Variants in NEB observed in about 807,000 individuals in gnomAD.
The protein encoded by NEB is nebulin.
A neutral mutation model predicts 952.2 loss-of-function variants in NEB; 512 were observed. The observed-to-expected ratio is 0.54, with a 90% CI of 0.50 to 0.58. The LOEUF (loss-of-function observed/expected upper bound fraction) is 0.58. NEB is among the 20% of genes least tolerant of loss of function. The pLI, the probability that NEB is intolerant of heterozygous loss-of-function variation, is 0.00. For synonymous variants in NEB, 2,900 were observed against 3,149.8 expected, an observed-to-expected ratio of 0.92 and a Z score of 2.66; for missense variants, 8,428 against 9,231.1, an observed-to-expected ratio of 0.91 and a Z score of 3.56.
intron 32 of NEB, among the ~76,000 whole-genome samples, chr2:151,679,158 G>C (rs1409358856): frequency 6.6e-6 from 1 of 152,160 alleles, no homozygotes; most frequent in Non-Finnish European, 1.5e-5. Flanking sequence ...TAGAATAACA[G>C]ATGGGGGCTT....
At position 151,505,550 on chromosome 2, in the gene NEB, T is replaced by C. The variant is rs2068111995; in HGVS notation, c.23670A>G (p.Ile7890Met). The change falls in exon 165 of 182, where the codon ATA (isoleucine) becomes ATG (methionine). Residue 7890 changes from isoleucine (I) to methionine (M), a missense_variant. Around this residue, in one of 11 missense-constraint regions of NEB, gnomAD observed 3,374 missense variants for 3,651.5 expected, o/e 0.92. Transcript: ENST00000397345. The part of the protein sequence containing the change: ...HISSVKYKEA[I>M]GQGTPIPDLP... ...GGTCAGGGATTGGAGTTCCTTGTCC[T>C]ATTGCTTCCTTATACTTCACCTGCA... 1.2e-6 allele frequency: 2 copies of C among 1,613,720 alleles called. No individual in the cohort carries two copies. The highest frequency in any genetic ancestry group is 1.7e-6 in the Non-Finnish European group (2 of 1,179,622).
chr2:151,504,690 A>T (rs2067389702), intron 165 of NEB, among the ~76,000 whole-genome samples: 1 of 152,218 alleles, frequency 6.6e-6, no homozygotes, highest in Non-Finnish European at 1.5e-5. Context: ...AACTTCACAT[A>T]GTCTTTTGCT....
In NEB at chr2:151,609,878, A is replaced by G; in HGVS notation, c.12261T>C (p.His4087=). The G allele has an allele frequency of 1.9e-6, 3 of 1,612,934 alleles. No homozygotes were observed. Among genetic ancestry groups the G allele is most frequent in the Non-Finnish European group, 2.5e-6 (3 of 1,179,008 alleles). The part of the protein sequence containing the change: ...VTDIDYRNYL[H]EWTCMPDQND... Reference sequence around the variant, plus strand: ...TTTGATCCGGCATGCATGTCCATTCATGCAGGTAATTGCGATAATCAATGT... The same window carrying G: ...TTTGATCCGGCATGCATGTCCATTCGTGCAGGTAATTGCGATAATCAATGT... The change falls in exon 81 of 182, where the codon CAT becomes CAC. Residue 4087 remains histidine (H), a synonymous_variant. Coordinates refer to ENST00000397345, the MANE Select transcript of NEB (RefSeq NM_001164508.2).
At chr2:151,697,916 G>C (rs1027354644) in intron 13 of NEB, among the ~76,000 whole-genome samples, 3 of 151,920 alleles carry the variant, frequency 2.0e-5, no homozygotes, top group Non-Finnish European at 4.4e-5. Context: ...AATACAAAAA[G>C]TTACCTGGGC....
chr2:151,629,574 C>T lies in NEB; in HGVS notation c.9796G>A (p.Val3266Met), dbSNP rs564504601. 24 of 1,613,764 alleles carry T rather than the reference C, an allele frequency of 1.5e-5. No homozygotes were observed. Among genetic ancestry groups the T allele is most frequent in the East Asian group, 2.2e-5 (1 of 44,872 alleles). ...ACGTCCCTGGAGGCCTTGGCAGCCA[C>T]GATGGGGATGGCGTCACTTCGCAAG... The part of the protein sequence containing the change: ...YDLRSDAIPI[V>M]AAKASRDVIS... Residue 3266 changes from valine to methionine, a missense_variant, in exon 68 of 182, where the codon GTG (valine) becomes ATG (methionine). Coordinates refer to ENST00000397345, the MANE Select transcript of NEB (RefSeq NM_001164508.2).
At chr2:151,532,665 G>C (rs563727665) in intron 143 of NEB, among the ~76,000 whole-genome samples, 4 of 151,642 alleles carry the variant, frequency 2.6e-5, no homozygotes, top group Non-Finnish European at 5.9e-5. Flanking sequence ...CTTAATTGGA[G>C]CTTAACCTCC....
rs370362357 is a variant in NEB at position 151,710,573 on chromosome 2, A to G, written c.823-35T>C. 3.1e-6 allele frequency: 4 copies of G among 1,296,308 alleles called. No individual in the cohort carries two copies. The African/African-American group carries it at 5.9e-5, about 19-fold the overall frequency. 80.3% of individuals were successfully genotyped at this position (1,296,308 alleles called of 1,614,324 possible). ...AGAAAAAGAAAATAAGACAAGCATA[A>G]CTCATGAATTGACAAATAAGACAGC... is the stretch of plus-strand genomic sequence containing the variant. On this transcript the variant is annotated intron_variant, in intron 10 of 181. Coordinates refer to ENST00000397345, the MANE Select transcript of NEB (RefSeq NM_001164508.2).
intron 162 of NEB, 52 bp from the exon 163 acceptor site, chr2:151,507,065 C>A (rs1456325972): frequency 8.9e-7 from 1 of 1,122,430 alleles, no homozygotes; most frequent in East Asian, 2.4e-5. Context: ...GCTTTGTTTT[C>A]TTTATTTGTC....
intron 179 of NEB, among the ~76,000 whole-genome samples, chr2:151,490,924 C>G (rs749076437): frequency 2.2e-4 from 33 of 152,338 alleles, no homozygotes; most frequent in Non-Finnish European, 4.1e-4. Flanking sequence ...CCCAAAATAC[C>G]ATGGGCAGAC....
At position 151,661,982 on chromosome 2, in the gene NEB, C is replaced by CT. The variant is rs370822145; in HGVS notation, c.5970+152dup. Among the ~76,000 whole-genome samples, 658 of 145,942 alleles carry CT rather than the reference C, an allele frequency of 4.5e-3. 2 individuals are homozygous for CT. The highest frequency in any genetic ancestry group is 0.013 in the African/African-American group (527 of 40,086). On this transcript the variant is annotated intron_variant, in intron 46 of 181. Transcript: ENST00000397345. ...CTACTAGTTAGAAATAATTCCTATTCTTTTTTTTTTTAACGACAAGACTCT... is the reference window on the plus strand; with the variant it reads ...CTACTAGTTAGAAATAATTCCTATTCTTTTTTTTTTTTAACGACAAGACTCT...
chr2:151,533,090 C>T (rs1022143930), intron 143 of NEB, among the ~76,000 whole-genome samples: 4 of 152,182 alleles, frequency 2.6e-5, no homozygotes, highest in Admixed American at 1.3e-4. Flanking sequence ...AATATTCAGA[C>T]CTTTTACATG....
In NEB at chr2:151,696,643, C is replaced by T. The variant is rs765045777; in HGVS notation, c.1563G>A (p.Leu521=). 3.1e-6 allele frequency: 5 copies of T among 1,612,028 alleles called. No individual in the cohort carries two copies. The African/African-American group carries it at 6.7e-5, about 22-fold the overall frequency. ...AGTAGTTAGAGGAACTTACGTCACT[C>T]AGTTGTTTGGAATTGACTTGGGCTT... is the stretch of plus-strand genomic sequence containing the variant. The part of the protein sequence containing the change: ...LLQAQVNSKQ[L]SDLNYKAKHE... The change falls in exon 17 of 182, where the codon CTG becomes CTA. Residue 521 remains leucine (L), a synonymous_variant. Coordinates refer to ENST00000397345, the MANE Select transcript of NEB (RefSeq NM_001164508.2).
chr2:151,505,716 C>T, intron 164 of NEB, 146 bp from the exon 165 acceptor site: 1 of 673,810 alleles, frequency 1.5e-6, no homozygotes, highest in Non-Finnish European at 2.6e-6. Context: ...TGAATGGGAC[C>T]TCATTCTGAT....
In NEB at chr2:151,652,087, G is replaced by T. The variant is rs543037801; in HGVS notation, c.6916-1202C>A. 3.9e-5 allele frequency among the ~76,000 whole-genome samples: 6 copies of T among 152,292 alleles called. No homozygotes were observed. The South Asian group carries it at 1.0e-3, about 26-fold the overall frequency. ...ACCTATCAAGTGGAAGTGGAAATAG[G>T]CTGCTTTGTGGTGTTGTAGAACAGA... On this transcript the variant is annotated intron_variant, in intron 52 of 181. Transcript: ENST00000397345.
In NEB at chr2:151,709,598, T is replaced by C. The variant is rs118135772; in HGVS notation, c.1035+58A>G. 2.6e-4 allele frequency: 349 copies of C among 1,354,846 alleles called. 3 individuals carry two copies. The East Asian group carries it at 5.8e-3, about 23-fold the overall frequency. 83.9% of individuals were successfully genotyped at this position (1,354,846 alleles called of 1,614,324 possible). ...TACTAATTATATACAAGAGCCAAAG[T>C]TATAAGAAATTTACCCACACTCAAA... On this transcript the variant is annotated intron_variant, in intron 12 of 181. Coordinates refer to ENST00000397345, the MANE Select transcript of NEB (RefSeq NM_001164508.2).
Position 151,518,354 on chromosome 2 carries a change from C to G in NEB, c.22764G>C (p.Gln7588His). The change falls in exon 156 of 182, where the codon CAG (glutamine) becomes CAC (histidine). Residue 7588 changes from glutamine (Q) to histidine (H), a missense_variant. Transcript: ENST00000397345. ...ATTCTGTGGCCTCTTTTAGGTGAAG[C>G]TGCTCCAGATTATCGGGTATGGTGT... The part of the protein sequence containing the change: ...HYHTIPDNLE[Q>H]LHLKEATELQ... The G allele has an allele frequency of 1.2e-6, 2 of 1,611,832 alleles. No homozygotes were observed. Among genetic ancestry groups the G allele is most frequent in the South Asian group, 1.1e-5 (1 of 91,012 alleles).
chr2:151,705,944 G>A (rs2099704129), intron 13 of NEB, among the ~76,000 whole-genome samples: 1 of 152,182 alleles, frequency 6.6e-6, no homozygotes, highest in Non-Finnish European at 1.5e-5. Flanking sequence ...GGGAGTGAGG[G>A]AGTAAAGACT....
rs1577279380 is a variant in NEB at position 151,710,420 on chromosome 2, C to T, written c.927+14G>A. On this transcript the variant is annotated intron_variant, in intron 11 of 181. Transcript: ENST00000397345. Reference sequence around the variant, plus strand: ...CTCCCAGGATGACCAACCAGCCATCCCTTCCCACTTAACTGTGCTAATGTT... The same window carrying T: ...CTCCCAGGATGACCAACCAGCCATCTCTTCCCACTTAACTGTGCTAATGTT... The T allele has an allele frequency of 1.9e-6, 3 of 1,576,134 alleles. No individual in the cohort carries two copies. Among genetic ancestry groups the T allele is most frequent in the Non-Finnish European group, 2.6e-6 (3 of 1,150,182 alleles).
At chr2:151,641,770 T>C (rs2098855321) in intron 60 of NEB, among the ~76,000 whole-genome samples, 1 of 152,236 alleles carries the variant, frequency 6.6e-6, no homozygotes, top group Non-Finnish European at 1.5e-5. Context: ...TTTTTATTCA[T>C]AGACAAAAGA....
Sources: gnomAD v4.1 joint callset for allele counts (sites outside exome capture counted in the v4.1 genomes callset) on GRCh38, gnomAD v4.1.1 for gene constraint, gnomAD v4.1.1 regional missense constraint, MANE v1.5 for transcripts, NCBI Gene and HGNC (gene_info 2026-07-23, HGNC 2026-07-21) for gene names.